LIPG: variants seen among roughly 807,000 people sequenced by gnomAD.
LIPG encodes the protein lipase G, endothelial type, also known as endothelial lipase.
LIPG carries 34 observed loss-of-function variants against 51.8 expected under a neutral mutation model. The observed-to-expected ratio is 0.66, with a 90% CI of 0.50 to 0.87. The LOEUF is 0.87. Among genes scored for constraint, LIPG ranks in the 40% least tolerant of loss-of-function variants. The pLI is 0.00. For missense variants in LIPG, 580 were observed against 652.7 expected (o/e 0.89, Z 1.21); for synonymous variants, 246 against 246.1 (o/e 1.00, Z 0.00).
chr18:49,585,984 C>T lies in LIPG; in HGVS notation c.1377-762C>T, dbSNP rs2084875933. Among the ~76,000 whole-genome samples the T allele has an allele frequency of 2.0e-5, 3 of 152,246 alleles. No homozygotes were observed. The South Asian group carries it at 6.2e-4, about 32-fold the overall frequency. On this transcript the variant is annotated intron_variant, in intron 8 of 9. Coordinates refer to ENST00000261292, the MANE Select transcript of LIPG (RefSeq NM_006033.4). ...GCTTCCTGGGAAAGGTTCTTAAGCT[C>T]TTCTGAATGGGGCTTTTGTCCTGCC...
rs373290539 is a variant in LIPG at position 49,579,743 on chromosome 18, T to TCTTTCCTTTCCTTTCCTTTCCTTTC, written c.794-1671_794-1647dup. The stretch of plus-strand genomic sequence containing the variant: ...CCTCAGAATATAGGATGATGGCCTT[T>TCTTTCCTTTCCTTTCCTTTCCTTTC]CTTTCCTTTCCTTTCCTTTCCTTTC... On this transcript the variant is annotated intron_variant, in intron 5 of 9. Coordinates refer to ENST00000261292, the MANE Select transcript of LIPG (RefSeq NM_006033.4). Among the ~76,000 whole-genome samples the TCTTTCCTTTCCTTTCCTTTCCTTTC allele has an allele frequency of 1.2e-3, 154 of 131,086 alleles. 4 individuals carry two copies. Among genetic ancestry groups the TCTTTCCTTTCCTTTCCTTTCCTTTC allele is most frequent in the Middle Eastern group, 7.9e-3 (2 of 254 alleles). 86.0% of individuals were successfully genotyped at this position (131,086 alleles called of 152,430 possible). A position where few individuals can be genotyped will look rare whatever the true frequency, so the allele number is the denominator to read the frequency against.
chr18:49,572,508 C>T (rs1051224008), intron 4 of LIPG, among the ~76,000 whole-genome samples: 1 of 152,042 alleles, frequency 6.6e-6, no homozygotes, highest in Non-Finnish European at 1.5e-5. Flanking sequence ...GACTCAAACC[C>T]ATGCTGTCAG....
rs767465938 is a variant in LIPG at position 49,583,712 on chromosome 18, C to A, written c.1314C>A (p.Arg438=). ...TTCGCAGCTACCTGTCTCAACCCCG[C>A]AACCCCGGACGGGAGCTGAATATCA... The part of the protein sequence containing the change: ...KEFRSYLSQP[R]NPGRELNIRR... Residue 438 remains arginine, a synonymous_variant, in exon 8 of 10, where the codon CGC becomes CGA. Transcript: ENST00000261292. 5.6e-6 allele frequency: 9 copies of A among 1,614,044 alleles called. No homozygotes were observed. The highest frequency in any genetic ancestry group is 6.8e-6 in the Non-Finnish European group (8 of 1,180,042).
chr18:49,577,134 C>A (rs1441575805), intron 5 of LIPG, among the ~76,000 whole-genome samples: 27 of 141,946 alleles, frequency 1.9e-4, no homozygotes, highest in African/African-American at 7.2e-4. Context: ...GAACAAAGGT[C>A]TCTGGTTTTC....
intron 9 of LIPG, 80 bp downstream of exon 9, chr18:49,586,930 G>A (rs2084886586): frequency 9.6e-7 from 1 of 1,042,754 alleles, no homozygotes. Flanking sequence ...GATGGATCTG[G>A]GTGCCAGGGA....
At chr18:49,579,348 CCTCA>C (rs2084789820) in intron 5 of LIPG, among the ~76,000 whole-genome samples, 1 of 151,502 alleles carries the variant, frequency 6.6e-6, no homozygotes, top group Non-Finnish European at 1.5e-5. Context: ...TCTCCTTCTT[CCTCA>C]CTATGTTTCC....
rs1022622010 is a variant in LIPG, at chr18:49,598,430, A to C, written c.*7908A>C. 2 of 152,752 alleles carry C rather than the reference A, an allele frequency of 1.3e-5. No individual in the cohort carries two copies. The highest frequency in any genetic ancestry group is 4.8e-5 in the African/African-American group (2 of 41,468). The allele number at this position is 152,752 out of a possible 1,614,324, so 9.5% of individuals were successfully genotyped here. A position where few individuals can be genotyped will look rare whatever the true frequency, so the allele number is the denominator to read the frequency against. On this transcript the variant is annotated 3_prime_UTR_variant, in exon 10 of 10. Transcript: ENST00000261292. ...GGTTGGTCTCAAACTCCTGGGCTCAAGCAATCCACCCAACTTGGCCTCCCA... is the reference window on the plus strand; with the variant it reads ...GGTTGGTCTCAAACTCCTGGGCTCACGCAATCCACCCAACTTGGCCTCCCA...
In LIPG at chr18:49,592,323, A is replaced by G. The variant is rs960671089; in HGVS notation, c.*1801A>G. ...ACAGGTTGAGTATCCCTTATCCAAA[A>G]TGCTTGGAACCAGAAGTGTTTCAAA... On this transcript the variant is annotated 3_prime_UTR_variant, in exon 10 of 10. Transcript: ENST00000261292. 6.6e-6 allele frequency: 1 copy of G among 152,222 alleles called. No individual in the cohort carries two copies. Among genetic ancestry groups the G allele is most frequent in the African/African-American group, 2.4e-5 (1 of 41,446 alleles). 9.4% of individuals were successfully genotyped at this position (152,222 alleles called of 1,614,324 possible).
chr18:49,587,568 C>CAAAAAAAAA lies in LIPG; in HGVS notation c.1481+736_1481+744dup, dbSNP rs34734805. Reference sequence around the variant, plus strand: ...TGGGTGACAGAGTGAGACTCCGTCTCAAAAAAAAAAAAAAAAAAAAAAAAA... The same window carrying CAAAAAAAAA: ...TGGGTGACAGAGTGAGACTCCGTCTCAAAAAAAAAAAAAAAAAAAAAAAAAAAAAAAAAA... On this transcript the variant is annotated intron_variant, in intron 9 of 9. Transcript: ENST00000261292. 1.5e-3 allele frequency among the ~76,000 whole-genome samples: 65 copies of CAAAAAAAAA among 42,310 alleles called. 3 individuals are homozygous for CAAAAAAAAA. The highest frequency in any genetic ancestry group is 4.9e-3 in the African/African-American group (62 of 12,628). The allele number at this position is 42,310 out of a possible 152,430, so 27.8% of individuals were successfully genotyped here. A position where few individuals can be genotyped will look rare whatever the true frequency, so the allele number is the denominator to read the frequency against.
At chr18:49,571,437 C>A (rs1370232021) in intron 4 of LIPG, among the ~76,000 whole-genome samples, 1 of 152,214 alleles carries the variant, frequency 6.6e-6, no homozygotes, top group Non-Finnish European at 1.5e-5. Flanking sequence ...GGGGTGAGGG[C>A]TTTTCTCCTG....
At chr18:49,567,674 T>C in intron 3 of LIPG, 53 bp downstream of exon 3, 1 of 1,580,874 alleles carries the variant, frequency 6.3e-7, no homozygotes, top group South Asian at 1.1e-5. Flanking sequence ...TCAAACCCAA[T>C]CTTCTTAAGA....
At chr18:49,582,796 C>T (rs1052769358) in intron 7 of LIPG, among the ~76,000 whole-genome samples, 3 of 152,262 alleles carry the variant, frequency 2.0e-5, no homozygotes, top group Admixed American at 6.5e-5. Flanking sequence ...GACGATGCTT[C>T]AGGCAATCTG....
At chr18:49,585,033 T>C (rs1397385008) in intron 8 of LIPG, among the ~76,000 whole-genome samples, 3 of 152,196 alleles carry the variant, frequency 2.0e-5, no homozygotes, top group Non-Finnish European at 4.4e-5. Context: ...TGTTAGTGTG[T>C]TTCCTTCCAT....
intron 5 of LIPG, among the ~76,000 whole-genome samples, chr18:49,576,777 T>C (rs1017608008): frequency 2.0e-5 from 3 of 152,072 alleles, no homozygotes; most frequent in African/African-American, 7.2e-5. Flanking sequence ...AGCCAGAAGC[T>C]TGCTATGTTG....
At chr18:49,579,013 AGG>A (rs1199555944) in intron 5 of LIPG, among the ~76,000 whole-genome samples, 3 of 702 alleles carry the variant, frequency 4.3e-3, no homozygotes, top group East Asian at 0.053. Flanking sequence ...GGAGAGGGAG[AGG>A]GAGAGGGAGA....
intron 3 of LIPG, among the ~76,000 whole-genome samples, chr18:49,568,671 G>A (rs1033099893): frequency 4.6e-5 from 7 of 152,110 alleles, no homozygotes; most frequent in Admixed American, 6.6e-5. Context: ...GTGAGCCACC[G>A]CACCCAGCCT....
intron 5 of LIPG, among the ~76,000 whole-genome samples, chr18:49,578,778 C>T (rs1046651658): frequency 1.7e-4 from 25 of 151,106 alleles, no homozygotes; most frequent in Admixed American, 5.3e-4. Flanking sequence ...CCCGGCACCT[C>T]GGGAGGCCAA....
chr18:49,581,804 T>C (rs2084823647), intron 6 of LIPG, 147 bp downstream of exon 6: 1 of 999,970 alleles, frequency 1.0e-6, no homozygotes, highest in Non-Finnish European at 1.6e-6. Flanking sequence ...ACACTGTGCA[T>C]GTCCTAGGAA....
At chr18:49,586,673 C>A in intron 8 of LIPG, 73 bp from the exon 9 acceptor site, 2 of 1,105,768 alleles carry the variant, frequency 1.8e-6, no homozygotes, top group Non-Finnish European at 2.8e-6. Flanking sequence ...CACCCATCTG[C>A]CTTGAATCTA....
Sources: gnomAD v4.1 joint callset for allele counts (sites outside exome capture counted in the v4.1 genomes callset) on GRCh38, gnomAD v4.1.1 for gene constraint, MANE v1.5 for transcripts, NCBI Gene and HGNC (gene_info 2026-07-23, HGNC 2026-07-21) for gene names.